Variants in PPP1R12B observed in about 807,000 individuals in gnomAD.
PPP1R12B encodes the protein protein phosphatase 1 regulatory subunit 12B, also known as myosin phosphatase target subunit 2.
A neutral mutation model predicts 126.1 loss-of-function variants in PPP1R12B; 76 were observed. The observed-to-expected ratio is 0.60, with a 90% CI of 0.50 to 0.73. PPP1R12B has a LOEUF of 0.73. Ranked by LOEUF, PPP1R12B falls within the 30% of genes least tolerant of loss-of-function variation. The probability of loss-of-function intolerance (pLI) is 0.00; values close to 1 mark genes in which losing one functional copy is unlikely to be tolerated. For synonymous variants in PPP1R12B, 356 were observed against 434.7 expected (o/e 0.82, Z 2.25); for missense variants, 1,052 against 1,205.1 (o/e 0.87, Z 1.88).
intron 21 of PPP1R12B, among the ~76,000 whole-genome samples, chr1:202,566,466 C>T (rs888680858): frequency 1.6e-4 from 24 of 152,272 alleles, no homozygotes; most frequent in African/African-American, 5.8e-4. Flanking sequence ...AGACAGTTAC[C>T]ACATGAACAT....
intron 1 of PPP1R12B, among the ~76,000 whole-genome samples, chr1:202,382,646 G>T (rs1436833459): frequency 6.6e-6 from 1 of 151,948 alleles, no homozygotes; most frequent in Non-Finnish European, 1.5e-5. Context: ...GGAGGCTGAG[G>T]GGGGTGGATC....
At chr1:202,541,939 G>C (rs1006528077) in intron 18 of PPP1R12B, among the ~76,000 whole-genome samples, 1 of 152,176 alleles carries the variant, frequency 6.6e-6, no homozygotes, top group Non-Finnish European at 1.5e-5. Context: ...CCCAATTTTA[G>C]TGGTCACTGG....
At chr1:202,405,894 T>A (rs1321291859) in intron 1 of PPP1R12B, among the ~76,000 whole-genome samples, 1 of 152,232 alleles carries the variant, frequency 6.6e-6, no homozygotes, top group Non-Finnish European at 1.5e-5. Flanking sequence ...TATAAAACGC[T>A]TGATGAAAAT....
chr1:202,500,937 AG>A (rs1383089524), intron 18 of PPP1R12B, among the ~76,000 whole-genome samples: 2 of 152,236 alleles, frequency 1.3e-5, no homozygotes, highest in Non-Finnish European at 2.9e-5. Flanking sequence ...CATGCTTAGA[AG>A]GCTGGGGACC....
At chr1:202,354,494 A>G (rs1378251988) in intron 1 of PPP1R12B, among the ~76,000 whole-genome samples, 2 of 152,192 alleles carry the variant, frequency 1.3e-5, no homozygotes, top group African/African-American at 4.8e-5. Flanking sequence ...GCTTGAGTCC[A>G]GGAACTGGAG....
chr1:202,446,234 C>A (rs2885475), intron 12 of PPP1R12B, among the ~76,000 whole-genome samples: 3,596 of 88,214 alleles, frequency 0.041, 76 homozygotes, highest in Middle Eastern at 0.071. Context: ...CTCTCTCTCT[C>A]TCTATATATA....
In PPP1R12B at chr1:202,562,929, T is replaced by A; in HGVS notation, c.2652+7T>A. ...CAACAGAGATTATAAAAAAGTAGGG[T>A]CTTTATTCAATTTTCCGGTTCTTTG... On this transcript the variant is annotated splice_region_variant and intron_variant, in intron 20 of 23. Transcript: ENST00000608999. The A allele has an allele frequency of 1.3e-6, 2 of 1,552,786 alleles. No homozygotes were observed. The highest frequency in any genetic ancestry group is 1.7e-6 in the Non-Finnish European group (2 of 1,153,864).
rs74768813 is a variant in PPP1R12B at position 202,565,898 on chromosome 1, CAAA to C, written c.2757+1363_2757+1365del. Among the ~76,000 whole-genome samples the C allele has an allele frequency of 8.6e-6, 1 of 116,112 alleles. No individual in the cohort carries two copies. The allele number at this position is 116,112 out of a possible 152,430, so 76.2% of individuals were successfully genotyped here. A position where few individuals can be genotyped will look rare whatever the true frequency, so the allele number is the denominator to read the frequency against. ...CTCACTCCAACATTATTGAGCCAGG[CAAA>C]AAAAAAAAAAAGTCTCATTCACAGT... On this transcript the variant is annotated intron_variant, in intron 21 of 23. Transcript: ENST00000608999. This position sits in a 1 kb window ranked among gnomAD's most constrained non-coding sequence, Gnocchi z 4.3.
chr1:202,362,811 G>A (rs578182417), intron 1 of PPP1R12B, among the ~76,000 whole-genome samples: 58 of 152,176 alleles, frequency 3.8e-4, no homozygotes, highest in African/African-American at 1.3e-3. Flanking sequence ...ATGCACTTCT[G>A]TAGTTTGAAT....
In PPP1R12B at chr1:202,589,986, CGAA is replaced by C. The variant is rs577911960; in HGVS notation, c.*9431_*9433del. On this transcript the variant is annotated 3_prime_UTR_variant, in exon 24 of 24. Coordinates refer to ENST00000608999, the MANE Select transcript of PPP1R12B (RefSeq NM_002481.4). ...AGAGGAGACAGGTGGAAGTGGGAAC[CGAA>C]GAAGGAGTTTTACTCTTCCCTGGTC... The C allele has an allele frequency of 1.7e-4, 26 of 152,216 alleles. No homozygotes were observed. The highest frequency in any genetic ancestry group is 3.4e-3 in the Middle Eastern group (1 of 294). The allele number at this position is 152,216 out of a possible 1,614,324, so 9.4% of individuals were successfully genotyped here. A position where few individuals can be genotyped will look rare whatever the true frequency, so the allele number is the denominator to read the frequency against.
chr1:202,466,242 C>T (rs1674966819), intron 13 of PPP1R12B, among the ~76,000 whole-genome samples: 1 of 152,046 alleles, frequency 6.6e-6, no homozygotes, highest in Admixed American at 6.6e-5. Context: ...TGCCCCACCC[C>T]CCAATCCAGT....
chr1:202,400,186 A>G (rs1665623192), intron 1 of PPP1R12B, among the ~76,000 whole-genome samples: 1 of 152,242 alleles, frequency 6.6e-6, no homozygotes, highest in Non-Finnish European at 1.5e-5. Context: ...TGGAAAGCAC[A>G]TGATTTTGTT....
intron 4 of PPP1R12B, among the ~76,000 whole-genome samples, chr1:202,425,946 G>A (rs1669446403): frequency 1.3e-5 from 2 of 152,168 alleles, no homozygotes; most frequent in South Asian, 4.1e-4. Flanking sequence ...TGTATGATGT[G>A]AAACAGAGTT....
intron 1 of PPP1R12B, among the ~76,000 whole-genome samples, chr1:202,378,117 C>T (rs1661557347): frequency 6.6e-6 from 1 of 152,056 alleles, no homozygotes; most frequent in South Asian, 2.1e-4. Context: ...GGATTACAGG[C>T]GTGAGCCACC....
chr1:202,427,291 A>G, intron 5 of PPP1R12B, 107 bp downstream of exon 5: 4 of 1,470,660 alleles, frequency 2.7e-6, no homozygotes, highest in Non-Finnish European at 3.7e-6. Context: ...TGTGAAATAT[A>G]CATCACTGGT....
At chr1:202,446,731 A>C (rs368537507) in intron 12 of PPP1R12B, among the ~76,000 whole-genome samples, 4 of 151,826 alleles carry the variant, frequency 2.6e-5, no homozygotes, top group African/African-American at 9.7e-5. Flanking sequence ...TAGTTTGCTC[A>C]TATGTAACGA....
chr1:202,425,251 G>A (rs2148645590), intron 3 of PPP1R12B, among the ~76,000 whole-genome samples: 1 of 152,334 alleles, frequency 6.6e-6, no homozygotes, highest in South Asian at 2.1e-4. Flanking sequence ...AGACTTGGAA[G>A]TTTATAGCTT....
chr1:202,559,057 C>G (rs1687254437), intron 19 of PPP1R12B, among the ~76,000 whole-genome samples, 164 bp downstream of exon 19: 1 of 152,174 alleles, frequency 6.6e-6, no homozygotes, highest in East Asian at 1.9e-4. Flanking sequence ...TACCTCCTGC[C>G]CAAAGCAATG....
At position 202,500,806 on chromosome 1, in the gene PPP1R12B, T is replaced by C. The variant is rs531244973; in HGVS notation, c.2490+3984T>C. ...TTGATCATTACATATTGCATATATGTATTGAAATATCACTTCATACCACAT... is the reference window on the plus strand; with the variant it reads ...TTGATCATTACATATTGCATATATGCATTGAAATATCACTTCATACCACAT... On this transcript the variant is annotated intron_variant, in intron 18 of 23. Transcript: ENST00000608999. 1.2e-4 allele frequency among the ~76,000 whole-genome samples: 18 copies of C among 152,390 alleles called. No individual in the cohort carries two copies. In the South Asian group the frequency reaches 3.7e-3, roughly 32 times the overall value.
Sources: gnomAD v4.1 joint callset for allele counts (sites outside exome capture counted in the v4.1 genomes callset) on GRCh38, gnomAD v4.1.1 for gene constraint, Gnocchi (gnomAD v3.1) non-coding constraint, MANE v1.5 for transcripts, NCBI Gene and HGNC (gene_info 2026-07-23, HGNC 2026-07-21) for gene names.